Variants in DDX10 observed in about 807,000 individuals in gnomAD.
DDX10 encodes the protein DEAD-box helicase 10, also known as probable ATP-dependent RNA helicase DDX10.
DDX10 carries 74 observed loss-of-function variants against 104.3 expected under a neutral mutation model. The observed-to-expected ratio is 0.71, with a 90% CI of 0.59 to 0.86. The LOEUF (loss-of-function observed/expected upper bound fraction) is 0.86. DDX10 is among the 40% of genes least tolerant of loss of function. The probability of loss-of-function intolerance (pLI) is 0.00; values close to 1 mark genes in which losing one functional copy is unlikely to be tolerated. For missense variants in DDX10, 952 were observed against 1,040.0 expected (o/e 0.92, Z 1.16); for synonymous variants, 351 against 353.4 (o/e 0.99, Z 0.08).
intron 13 of DDX10, among the ~76,000 whole-genome samples, chr11:108,757,912 G>T (rs2094346400): frequency 1.3e-5 from 2 of 151,742 alleles, no homozygotes; most frequent in Admixed American, 1.3e-4. Context: ...TAATGTAATT[G>T]CATTCCTTTC....
rs78766302 is a variant in DDX10, at chr11:108,797,976, G to A, written c.1966-40470G>A. ...CTTCCTCTTACCCATGGTAGAAACC[G>A]CAGTCTCCTCTTCGAACTCAAACTT... is the stretch of plus-strand genomic sequence containing the variant. On this transcript the variant is annotated intron_variant, in intron 13 of 17. Transcript: ENST00000322536. 2.6e-4 allele frequency among the ~76,000 whole-genome samples: 40 copies of A among 152,236 alleles called. 1 individual carries two copies. In the East Asian group the frequency reaches 3.1e-3, roughly 12 times the overall value.
chr11:108,879,233 C>G (rs915438075), intron 16 of DDX10, among the ~76,000 whole-genome samples: 1 of 152,090 alleles, frequency 6.6e-6, no homozygotes, highest in Non-Finnish European at 1.5e-5. Flanking sequence ...ATCTTCTGAC[C>G]TCGTGATCTG....
intron 17 of DDX10, chr11:108,919,027 G>T (rs1001603939): frequency 6.6e-6 from 1 of 152,182 alleles, no homozygotes; most frequent in Non-Finnish European, 1.5e-5. Context: ...TTTTAAACAA[G>T]AACATTATGA....
At chr11:108,731,395 A>T (rs751193734) in intron 13 of DDX10, among the ~76,000 whole-genome samples, 13 of 151,852 alleles carry the variant, frequency 8.6e-5, no homozygotes, top group Non-Finnish European at 1.6e-4. Context: ...CCTGTTACCT[A>T]CTTTCGAATT....
chr11:108,716,455 AATC>A (rs1249674621), intron 11 of DDX10, among the ~76,000 whole-genome samples: 4 of 152,258 alleles, frequency 2.6e-5, no homozygotes, highest in Non-Finnish European at 4.4e-5. Flanking sequence ...GATTGGGAAA[AATC>A]ATCGTAAGTT....
At chr11:108,787,791 G>A (rs1454029538) in intron 13 of DDX10, among the ~76,000 whole-genome samples, 5 of 152,090 alleles carry the variant, frequency 3.3e-5, no homozygotes, top group East Asian at 1.9e-4. Context: ...TTAGCTGGGC[G>A]TGGTGGTGCA....
At chr11:108,702,860 C>G (rs1221446025) in intron 9 of DDX10, among the ~76,000 whole-genome samples, 3 of 152,178 alleles carry the variant, frequency 2.0e-5, no homozygotes, top group African/African-American at 7.2e-5. Context: ...TTAGGCCAAC[C>G]TCTTGGGCTC....
At chr11:108,683,784 C>A (rs1266168770) in intron 6 of DDX10, among the ~76,000 whole-genome samples, 1 of 152,158 alleles carries the variant, frequency 6.6e-6, no homozygotes, top group Non-Finnish European at 1.5e-5. Context: ...AGGTACAGTT[C>A]TTACAGGAAA....
At chr11:108,834,605 T>C (rs1331851151) in intron 13 of DDX10, among the ~76,000 whole-genome samples, 2 of 152,138 alleles carry the variant, frequency 1.3e-5, no homozygotes, top group African/African-American at 4.8e-5. Flanking sequence ...TATAATTTAC[T>C]ATGTTACATT....
rs35878699 is a variant in DDX10, at chr11:108,816,555, C to CTT, written c.1966-21877_1966-21876dup. Among the ~76,000 whole-genome samples the CTT allele has an allele frequency of 3.0e-3, 417 of 137,366 alleles. 2 individuals are homozygous for CTT. Among genetic ancestry groups the CTT allele is most frequent in the Admixed American group, 6.6e-3 (88 of 13,252 alleles). The allele number at this position is 137,366 out of a possible 152,430, so 90.1% of individuals were successfully genotyped here. ...TTGTGTGTAGACCAATAAAAATAGC[C>CTT]TTTTTTTTTTTTTTTGAGAGGGAGT... On this transcript the variant is annotated intron_variant, in intron 13 of 17. Coordinates refer to ENST00000322536, the MANE Select transcript of DDX10 (RefSeq NM_004398.4).
At chr11:108,889,358 G>T (rs1863344016) in intron 16 of DDX10, among the ~76,000 whole-genome samples, 1 of 152,016 alleles carries the variant, frequency 6.6e-6, no homozygotes, top group Non-Finnish European at 1.5e-5. Flanking sequence ...TCTAGTGAGG[G>T]ATTCCCACAA....
chr11:108,865,876 A>G (rs1863002660), intron 16 of DDX10, among the ~76,000 whole-genome samples: 1 of 152,168 alleles, frequency 6.6e-6, no homozygotes, highest in African/African-American at 2.4e-5. Flanking sequence ...AATTAATACC[A>G]TGATAGAGAA....
At position 108,706,743 on chromosome 11, in the gene DDX10, A is replaced by G. The variant is rs1291559243; in HGVS notation, c.1228A>G (p.Lys410Glu). The G allele has an allele frequency of 6.2e-7, 1 of 1,613,556 alleles. No individual in the cohort carries two copies. Among genetic ancestry groups the G allele is most frequent in the Non-Finnish European group, 8.5e-7 (1 of 1,179,502 alleles). The change falls in exon 10 of 18, where the codon AAA becomes GAA. Residue 410 changes from lysine to glutamate, a missense_variant. Around this residue, in one of 3 missense-constraint regions of DDX10, gnomAD observed 7 missense variants for 26.7 expected, o/e 0.26. Transcript: ENST00000322536. ...ATTTTGTTTCTTTTTGTTTAGGTAC[A>G]AAGAGGATGGTGAAGCTTTGCTAAT... is the stretch of plus-strand genomic sequence containing the variant. ...IHRAGRTARY[K>E]EDGEALLILL...
chr11:108,828,565 G>T (rs991243045), intron 13 of DDX10, among the ~76,000 whole-genome samples: 1 of 150,956 alleles, frequency 6.6e-6, no homozygotes, highest in Non-Finnish European at 1.5e-5. Flanking sequence ...TTTTGAGACC[G>T]AAAAAAATAT....
intron 12 of DDX10, among the ~76,000 whole-genome samples, chr11:108,722,504 A>G (rs1454782448): frequency 6.6e-6 from 1 of 152,234 alleles, no homozygotes; most frequent in African/African-American, 2.4e-5. Flanking sequence ...TGGGGACCAC[A>G]TTCCAGTTCT....
intron 13 of DDX10, among the ~76,000 whole-genome samples, chr11:108,758,968 C>T (rs1445413113): frequency 6.6e-6 from 1 of 151,998 alleles, no homozygotes; most frequent in African/African-American, 2.4e-5. Context: ...ATAATTGTGC[C>T]TCTAAGCTGC....
intron 8 of DDX10, 55 bp from the exon 9 acceptor site, chr11:108,693,461 T>G: frequency 8.1e-7 from 1 of 1,233,148 alleles, no homozygotes; most frequent in Non-Finnish European, 1.2e-6. Context: ...ATAAAAATAG[T>G]GCAGCAGGGC....
At chr11:108,914,974 C>T (rs2134661675) in intron 16 of DDX10, among the ~76,000 whole-genome samples, 1 of 151,546 alleles carries the variant, frequency 6.6e-6, no homozygotes, top group Middle Eastern at 3.4e-3. Context: ...AGAAATTGTC[C>T]TGTATGAGGA....
At chr11:108,857,195 T>C (rs1862881926) in intron 16 of DDX10, among the ~76,000 whole-genome samples, 1 of 152,198 alleles carries the variant, frequency 6.6e-6, no homozygotes, top group Non-Finnish European at 1.5e-5. Flanking sequence ...TTTTTTTCTT[T>C]TTCTATGTAA....
Sources: allele counts gnomAD v4.1 joint callset (sites outside exome capture counted in the v4.1 genomes callset), GRCh38; gene constraint gnomAD v4.1.1; regional missense constraint gnomAD v4.1.1; transcripts MANE v1.5; gene names NCBI Gene and HGNC (gene_info 2026-07-23, HGNC 2026-07-21).